Variants in EIF4G3 observed in about 807,000 individuals in gnomAD.
EIF4G3 encodes the protein eIF-4-gamma 3.
In EIF4G3, 34 loss-of-function variants were observed where a neutral mutation model predicts 186.4. That is an observed-to-expected ratio of 0.18 (90% CI 0.14 to 0.24). The LOEUF (loss-of-function observed/expected upper bound fraction) is 0.24. Among genes scored for constraint, EIF4G3 ranks in the 10% least tolerant of loss-of-function variants. The probability of loss-of-function intolerance (pLI) is 1.00; values close to 1 mark genes in which losing one functional copy is unlikely to be tolerated. For missense variants in EIF4G3, 1,536 were observed against 1,948.5 expected (o/e 0.79, Z 3.99); for synonymous variants, 673 against 679.5 (o/e 0.99, Z 0.15).
chr1:20,981,259 T>G, intron 8 of EIF4G3, 32 bp from the exon 9 acceptor site: 1 of 1,496,926 alleles, frequency 6.7e-7, no homozygotes, highest in Admixed American at 2.1e-5. Context: ...AATTTTTTTT[T>G]TTTTTTAACA....
chr1:21,137,941 A>G (rs1275966166), intron 2 of EIF4G3, among the ~76,000 whole-genome samples: 3 of 152,190 alleles, frequency 2.0e-5, no homozygotes, highest in African/African-American at 7.2e-5. Context: ...GAAAAGACCT[A>G]CGCTCTCAGA....
At chr1:21,003,533 T>C (rs2084175539) in intron 4 of EIF4G3, 1 of 250,816 alleles carries the variant, frequency 4.0e-6, no homozygotes. Context: ...TACAAGTATG[T>C]ATTATGTTGC....
At chr1:21,050,001 T>C (rs538088212) in intron 4 of EIF4G3, among the ~76,000 whole-genome samples, 7 of 152,238 alleles carry the variant, frequency 4.6e-5, no homozygotes, top group African/African-American at 7.2e-5. Flanking sequence ...TAGTAATTCC[T>C]GATCTCTCCT....
chr1:21,007,538 C>CAAAAAAAAAAAAAAAAAAA (rs1471121881), intron 4 of EIF4G3, among the ~76,000 whole-genome samples: 13 of 58,488 alleles, frequency 2.2e-4, no homozygotes, highest in Non-Finnish European at 3.1e-4. Context: ...AAAAAAAAAA[C>CAAAAAAAAAAAAAAAAAAA]ACACTCAAAA....
At chr1:20,883,636 AAAG>A (rs2083143792) in intron 19 of EIF4G3, among the ~76,000 whole-genome samples, 1 of 152,158 alleles carries the variant, frequency 6.6e-6, no homozygotes, top group Non-Finnish European at 1.5e-5. Flanking sequence ...AGAAAAAAAA[AAAG>A]AAGGAAATGA....
At chr1:20,981,027 T>C in intron 9 of EIF4G3, 21 bp downstream of exon 9, 1 of 1,508,630 alleles carries the variant, frequency 6.6e-7, no homozygotes, top group African/African-American at 1.4e-5. Flanking sequence ...CTGGACCACC[T>C]AGGCCTCAAA....
chr1:21,128,201 C>A (rs761107339), intron 2 of EIF4G3, among the ~76,000 whole-genome samples: 1 of 142,830 alleles, frequency 7.0e-6, no homozygotes, highest in Non-Finnish European at 1.5e-5. Flanking sequence ...AGCAAGACTC[C>A]GTCTCAAAAA....
intron 29 of EIF4G3, among the ~76,000 whole-genome samples, chr1:20,844,564 G>A (rs1048230490): frequency 6.6e-5 from 10 of 151,790 alleles, no homozygotes; most frequent in African/African-American, 1.9e-4. Flanking sequence ...GTCGGGGGCC[G>A]GGCATGGTGG....
At chr1:21,165,893 T>C (rs2103005524) in intron 2 of EIF4G3, among the ~76,000 whole-genome samples, 1 of 151,794 alleles carries the variant, frequency 6.6e-6, no homozygotes, top group South Asian at 2.1e-4. Context: ...ACAGCTGAAG[T>C]CTAACTTCCT....
intron 6 of EIF4G3, among the ~76,000 whole-genome samples, chr1:20,999,942 C>T (rs2083136252): frequency 6.6e-6 from 1 of 151,794 alleles, no homozygotes; most frequent in Admixed American, 6.6e-5. Context: ...TTAATGCCAC[C>T]CACCCACTTA....
At chr1:20,935,254 G>A (rs566390831) in intron 14 of EIF4G3, among the ~76,000 whole-genome samples, 2 of 152,184 alleles carry the variant, frequency 1.3e-5, no homozygotes, top group African/African-American at 4.8e-5. Flanking sequence ...GCTTATTTTT[G>A]TCATCAGCAA....
intron 2 of EIF4G3, among the ~76,000 whole-genome samples, chr1:21,118,839 GC>G (rs2096875896): frequency 7.0e-6 from 1 of 143,718 alleles, no homozygotes. Flanking sequence ...AGTGGCACAT[GC>G]CTATAGTTCC....
intron 2 of EIF4G3, among the ~76,000 whole-genome samples, chr1:21,153,412 T>C (rs2097581342): frequency 6.6e-6 from 1 of 152,216 alleles, no homozygotes; most frequent in African/African-American, 2.4e-5. Context: ...GTTAAAAGAT[T>C]TCCATAATCC....
intron 2 of EIF4G3, among the ~76,000 whole-genome samples, chr1:21,100,236 G>T (rs2096486094): frequency 6.6e-6 from 1 of 152,048 alleles, no homozygotes; most frequent in Non-Finnish European, 1.5e-5. Flanking sequence ...GACTGCTAAA[G>T]GATCCTGGGT....
chr1:21,149,417 C>G (rs1029996986), intron 2 of EIF4G3, among the ~76,000 whole-genome samples: 1 of 151,632 alleles, frequency 6.6e-6, no homozygotes, highest in Admixed American at 6.6e-5. Flanking sequence ...GTTTCTCAAG[C>G]AAAAAAGCCT....
chr1:20,853,532 G>C, intron 27 of EIF4G3, 28 bp downstream of exon 27: 1 of 1,498,966 alleles, frequency 6.7e-7, no homozygotes, highest in East Asian at 2.3e-5. Context: ...GGCCAGCCTT[G>C]AGTAGACATA....
intron 4 of EIF4G3, among the ~76,000 whole-genome samples, chr1:21,021,678 T>C (rs1487769710): frequency 6.6e-6 from 1 of 151,972 alleles, no homozygotes; most frequent in Non-Finnish European, 1.5e-5. Context: ...ACCTCAGCCT[T>C]CCAAGTAGCT....
At chr1:20,981,250 A>G in intron 8 of EIF4G3, 23 bp from the exon 9 acceptor site, 2 of 1,226,708 alleles carry the variant, frequency 1.6e-6, no homozygotes, top group Non-Finnish European at 2.2e-6. Flanking sequence ...GAAAAAAAAA[A>G]TTTTTTTTTT....
intron 3 of EIF4G3, among the ~76,000 whole-genome samples, chr1:21,084,374 G>C (rs1393794477): frequency 6.6e-6 from 1 of 152,128 alleles, no homozygotes; most frequent in Non-Finnish European, 1.5e-5. Flanking sequence ...AGGAGAGAGA[G>C]AGAGAGCAAG....
Sources: gnomAD v4.1 joint callset for allele counts (sites outside exome capture counted in the v4.1 genomes callset) on GRCh38, gnomAD v4.1.1 for gene constraint, MANE v1.5 for transcripts, NCBI Gene and HGNC (gene_info 2026-07-23, HGNC 2026-07-21) for gene names.